PPP2R2C: variants seen among roughly 807,000 people sequenced by gnomAD.
PPP2R2C encodes protein phosphatase 2, regulatory subunit B, gamma.
PPP2R2C carries 10 observed loss-of-function variants against 45.3 expected under a neutral mutation model. That is an observed-to-expected ratio of 0.22 (90% CI 0.14 to 0.37). The LOEUF is 0.37. Ranked by LOEUF, PPP2R2C falls within the 10% of genes least tolerant of loss-of-function variation. The pLI, the probability that PPP2R2C is intolerant of heterozygous loss-of-function variation, is 1.00. For missense variants in PPP2R2C, 308 were observed against 619.7 expected, an observed-to-expected ratio of 0.50 and a Z score of 5.34; for synonymous variants, 257 against 245.4, an observed-to-expected ratio of 1.05 and a Z score of -0.44.
intron 6 of PPP2R2C, among the ~76,000 whole-genome samples, chr4:6,339,897 G>A (rs1287683285): frequency 1.3e-5 from 2 of 152,244 alleles, no homozygotes; most frequent in Non-Finnish European, 2.9e-5. Context: ...GGAGGAGCTT[G>A]GAGGGTCCGA....
chr4:6,418,418 C>T (rs555591861), intron 1 of PPP2R2C, among the ~76,000 whole-genome samples: 2 of 152,328 alleles, frequency 1.3e-5, no homozygotes, highest in South Asian at 4.1e-4. Context: ...CGCAGCAAAG[C>T]CAGAATTCAA....
chr4:6,375,779 T>C, intron 4 of PPP2R2C, 40 bp downstream of exon 4: 28 of 1,477,192 alleles, frequency 1.9e-5, no homozygotes, highest in Non-Finnish European at 2.6e-5. Context: ...TCAGGTGTAA[T>C]AAAGAGGCGT....
chr4:6,547,421 T>A (rs552575348), intron 1 of PPP2R2C, among the ~76,000 whole-genome samples: 1 of 151,970 alleles, frequency 6.6e-6, no homozygotes, highest in African/African-American at 2.4e-5. Flanking sequence ...ATTCTCGCCC[T>A]CGACCTCACT....
intron 1 of PPP2R2C, chr4:6,414,033 T>C (rs1053519819): frequency 1.1e-5 from 16 of 1,522,232 alleles, no homozygotes; most frequent in Non-Finnish European, 1.4e-5. Flanking sequence ...GGCCCAAATC[T>C]AGAGAATTAT....
In PPP2R2C at chr4:6,406,650, G is replaced by A. The variant is rs558352892; in HGVS notation, c.71-25556C>T. Among the ~76,000 whole-genome samples, 5 of 152,176 alleles carry A rather than the reference G, an allele frequency of 3.3e-5. No homozygotes were observed. The South Asian group carries it at 8.3e-4, about 25-fold the overall frequency. On this transcript the variant is annotated intron_variant, in intron 1 of 8. Transcript: ENST00000382599. Reference sequence around the variant, plus strand: ...CACGCACCTGTAATCTCAGCTACTCGGGAGGCTGAGGCAGGAGAATCCATT... The same window carrying A: ...CACGCACCTGTAATCTCAGCTACTCAGGAGGCTGAGGCAGGAGAATCCATT...
chr4:6,358,217 C>T (rs549272483), intron 5 of PPP2R2C, among the ~76,000 whole-genome samples: 2 of 152,018 alleles, frequency 1.3e-5, no homozygotes, highest in African/African-American at 4.8e-5. Context: ...ACAAACCTGA[C>T]AAAAACAAGA....
At chr4:6,367,389 G>T (rs1714418886) in intron 5 of PPP2R2C, among the ~76,000 whole-genome samples, 2 of 152,032 alleles carry the variant, frequency 1.3e-5, no homozygotes, top group Admixed American at 1.3e-4. Flanking sequence ...GAGAGCAGGG[G>T]TCAGAAGGAT....
At chr4:6,553,685 GTTTTCACCCA>G (rs1466696781) in intron 1 of PPP2R2C, among the ~76,000 whole-genome samples, 2 of 152,210 alleles carry the variant, frequency 1.3e-5, no homozygotes, top group Non-Finnish European at 2.9e-5. Context: ...AACGACCCAA[GTTTTCACCCA>G]TGATCTGGGT....
At chr4:6,350,608 T>C in intron 5 of PPP2R2C, 1 of 985,338 alleles carries the variant, frequency 1.0e-6, no homozygotes, top group Non-Finnish European at 1.2e-6. Flanking sequence ...GCAGGAGGAC[T>C]CGGTGGGATG....
chr4:6,485,254 C>T (rs907703138), intron 2 of PPP2R2C, among the ~76,000 whole-genome samples: 1 of 151,750 alleles, frequency 6.6e-6, no homozygotes, highest in Admixed American at 6.6e-5. Context: ...GGGATAAACC[C>T]ACTTGGCTAT....
intron 5 of PPP2R2C, among the ~76,000 whole-genome samples, chr4:6,356,295 C>T (rs906786247): frequency 1.3e-5 from 2 of 152,204 alleles, no homozygotes; most frequent in Non-Finnish European, 2.9e-5. Context: ...GGACTAGCTT[C>T]GCATCTGTAG....
intron 6 of PPP2R2C, among the ~76,000 whole-genome samples, chr4:6,341,551 C>T (rs776489216): frequency 2.0e-5 from 3 of 152,092 alleles, no homozygotes; most frequent in African/African-American, 7.2e-5. Context: ...CCCCTAAAGG[C>T]GTCTATCTAC....
chr4:6,333,814 TG>T, intron 6 of PPP2R2C, 83 bp from the exon 7 acceptor site: 1 of 1,442,118 alleles, frequency 6.9e-7, no homozygotes, highest in Non-Finnish European at 9.6e-7. Flanking sequence ...GTTTTGCACC[TG>T]GGCCCATGCT....
At position 6,500,759 on chromosome 4, in the gene PPP2R2C, G is replaced by A. The variant is rs117785570; in HGVS notation, c.49+34512C>T. Among the ~76,000 whole-genome samples, 215 of 152,380 alleles carry A rather than the reference G, an allele frequency of 1.4e-3. 5 individuals are homozygous for A. The East Asian group carries it at 0.033, about 23-fold the overall frequency. Reference sequence around the variant, plus strand: ...GGCCTTGCATGGTACATACCCTGTAGGTGCCCCAGGATTAACGGTTCAAAC... The same window carrying A: ...GGCCTTGCATGGTACATACCCTGTAAGTGCCCCAGGATTAACGGTTCAAAC... On this transcript the variant is annotated intron_variant, in intron 2 of 9. Transcript: ENST00000506140.
Position 6,426,906 on chromosome 4 carries a change from C to T in PPP2R2C, c.70+45254G>A, listed in dbSNP as rs371526469. 7.9e-5 allele frequency among the ~76,000 whole-genome samples: 12 copies of T among 152,354 alleles called. No homozygotes were observed. In the South Asian group the frequency reaches 1.4e-3, roughly 18 times the overall value. ...AGAGCTCAAGGAGGCAGCTGTCTCA[C>T]TGGGGAGTCTTTGAGCACCAACATG... On this transcript the variant is annotated intron_variant, in intron 1 of 8. Transcript: ENST00000382599.
intron 1 of PPP2R2C, among the ~76,000 whole-genome samples, chr4:6,443,590 G>A (rs1217590282): frequency 1.3e-5 from 2 of 152,218 alleles, no homozygotes; most frequent in East Asian, 1.9e-4. Context: ...TGGGACTCAG[G>A]AAGCCCTGGG....
chr4:6,417,433 G>T (rs1404245326), intron 1 of PPP2R2C, among the ~76,000 whole-genome samples: 1 of 152,176 alleles, frequency 6.6e-6, no homozygotes, highest in Non-Finnish European at 1.5e-5. Context: ...TTTTCTGGGG[G>T]TACTGCCTCC....
At chr4:6,467,719 A>T (rs1223778976) in intron 1 of PPP2R2C, among the ~76,000 whole-genome samples, 1 of 152,144 alleles carries the variant, frequency 6.6e-6, no homozygotes, top group African/African-American at 2.4e-5. Context: ...AGTAACGGAG[A>T]CTTGAAAGTG....
chr4:6,512,199 G>A (rs1227656717), intron 2 of PPP2R2C, among the ~76,000 whole-genome samples: 1 of 98,502 alleles, frequency 1.0e-5, no homozygotes, highest in Non-Finnish European at 2.1e-5. Context: ...TGGTGGTGGT[G>A]ATGGTGGTGG....
Sources: gnomAD v4.1 joint callset for allele counts (sites outside exome capture counted in the v4.1 genomes callset) on GRCh38, gnomAD v4.1.1 for gene constraint, MANE v1.5 for transcripts, NCBI Gene and HGNC (gene_info 2026-07-23, HGNC 2026-07-21) for gene names.